HECW2: variants seen among roughly 807,000 people sequenced by gnomAD.
HECW2 encodes E3 ubiquitin-protein ligase HECW2.
HECW2 carries 61 observed loss-of-function variants against 175.2 expected under a neutral mutation model. The ratio of observed to expected loss-of-function variants is 0.35; its 90% CI spans 0.28 to 0.43. The LOEUF (loss-of-function observed/expected upper bound fraction) is 0.43. HECW2 is among the 20% of genes least tolerant of loss of function. The probability of loss-of-function intolerance (pLI) is 1.00; values close to 1 mark genes in which losing one functional copy is unlikely to be tolerated. For synonymous variants in HECW2, 671 were observed against 731.0 expected, an observed-to-expected ratio of 0.92 and a Z score of 1.32; for missense variants, 1,524 against 2,000.5, an observed-to-expected ratio of 0.76 and a Z score of 4.54.
chr2:196,414,420 C>G (rs74854630), intron 2 of HECW2, among the ~76,000 whole-genome samples: 30 of 152,332 alleles, frequency 2.0e-4, no homozygotes, highest in African/African-American at 7.0e-4. Flanking sequence ...TTCTCCCCTT[C>G]TAACTTCAAA....
rs547725916 is a variant in HECW2 at position 196,266,133 on chromosome 2, T to C, written c.3335+5060A>G. ...ATCTCTTAAGCCCAGGTATTCAAAA[T>C]GAACCTGTACAACATAGCAAGACTC... On this transcript the variant is annotated intron_variant, in intron 17 of 28. Transcript: ENST00000644978. Among the ~76,000 whole-genome samples, 6 of 141,370 alleles carry C rather than the reference T, an allele frequency of 4.2e-5. No individual in the cohort carries two copies. In the East Asian group the frequency reaches 1.3e-3, roughly 30 times the overall value. 92.7% of individuals were successfully genotyped at this position (141,370 alleles called of 152,430 possible).
chr2:196,363,290 G>C (rs192971115), intron 2 of HECW2, among the ~76,000 whole-genome samples: 1 of 152,164 alleles, frequency 6.6e-6, no homozygotes, highest in Non-Finnish European at 1.5e-5. Context: ...TCAAATGAGT[G>C]TCACTGTGCT....
At chr2:196,386,695 G>C (rs1694361540) in intron 2 of HECW2, among the ~76,000 whole-genome samples, 1 of 152,148 alleles carries the variant, frequency 6.6e-6, no homozygotes, top group Non-Finnish European at 1.5e-5. Flanking sequence ...AATGATTTTT[G>C]AATGTGACTA....
chr2:196,419,855 C>T (rs925206873), intron 2 of HECW2, among the ~76,000 whole-genome samples: 1 of 152,118 alleles, frequency 6.6e-6, no homozygotes, highest in Non-Finnish European at 1.5e-5. Flanking sequence ...ACTACTGTCC[C>T]GTACCCCCAC....
intron 1 of HECW2, among the ~76,000 whole-genome samples, chr2:196,488,724 A>C (rs796574379): frequency 7.2e-5 from 11 of 152,204 alleles, no homozygotes; most frequent in African/African-American, 2.6e-4. Flanking sequence ...CCAAAAAGTT[A>C]TCTCTAAATG....
intron 1 of HECW2, among the ~76,000 whole-genome samples, chr2:196,505,675 C>A (rs1219824406): frequency 6.6e-6 from 1 of 152,108 alleles, no homozygotes; most frequent in Non-Finnish European, 1.5e-5. Context: ...ACAAGTAAAA[C>A]CAGAATTTTC....
intron 28 of HECW2, among the ~76,000 whole-genome samples, chr2:196,207,431 T>A (rs891816757): frequency 1.3e-5 from 2 of 152,214 alleles, no homozygotes; most frequent in Admixed American, 6.5e-5. Context: ...TTATCTAATA[T>A]CCTCATGAAT....
chr2:196,422,655 C>G (rs1434960298), intron 2 of HECW2, among the ~76,000 whole-genome samples: 1 of 151,934 alleles, frequency 6.6e-6, no homozygotes, highest in Non-Finnish European at 1.5e-5. Flanking sequence ...TAAATTATTG[C>G]AGCATAATCT....
At position 196,518,654 on chromosome 2, in the gene HECW2, C is replaced by CCAA. The variant is rs1491157764; in HGVS notation, c.-36+74853_-36+74854insTTG. ...TAGGCAACAGAGCGAGATTCTGTCT[C>CCAA]AAAAAAAAAAAAAAAAAAAAAAAAC... On this transcript the variant is annotated intron_variant, in intron 1 of 28. Coordinates refer to ENST00000644978, the MANE Select transcript of HECW2 (RefSeq NM_001348768.2). 2.2e-3 allele frequency among the ~76,000 whole-genome samples: 168 copies of CCAA among 77,424 alleles called. No individual in the cohort carries two copies. The Admixed American group carries it at 0.023, about 11-fold the overall frequency. 50.8% of individuals were successfully genotyped at this position (77,424 alleles called of 152,430 possible).
intron 1 of HECW2, among the ~76,000 whole-genome samples, chr2:196,446,316 C>T (rs548971947): frequency 6.6e-6 from 1 of 152,296 alleles, no homozygotes; most frequent in South Asian, 2.1e-4. Flanking sequence ...CCCTGACCAC[C>T]CATGATAAAT....
chr2:196,544,989 T>C (rs1025713690), intron 1 of HECW2, among the ~76,000 whole-genome samples: 1 of 152,224 alleles, frequency 6.6e-6, no homozygotes, highest in Non-Finnish European at 1.5e-5. Context: ...AAGCTCACTT[T>C]AGTGAAACTC....
At chr2:196,575,870 A>G (rs995494215) in intron 1 of HECW2, among the ~76,000 whole-genome samples, 1 of 152,252 alleles carries the variant, frequency 6.6e-6, no homozygotes, top group African/African-American at 2.4e-5. Context: ...CACCTCTTGC[A>G]TGAACTAACA....
At chr2:196,565,686 T>G (rs1370261614) in intron 1 of HECW2, among the ~76,000 whole-genome samples, 1 of 152,150 alleles carries the variant, frequency 6.6e-6, no homozygotes, top group Non-Finnish European at 1.5e-5. Context: ...TAATGAACCT[T>G]AACAATTAAC....
intron 13 of HECW2, among the ~76,000 whole-genome samples, chr2:196,305,918 A>G (rs911972593): frequency 6.6e-6 from 1 of 152,152 alleles, no homozygotes; most frequent in African/African-American, 2.4e-5. Flanking sequence ...TATCTTCAGT[A>G]AGCCACTCCC....
At chr2:196,329,986 A>G (rs1692298261) in intron 4 of HECW2, among the ~76,000 whole-genome samples, 2 of 152,220 alleles carry the variant, frequency 1.3e-5, no homozygotes, top group Admixed American at 1.3e-4. Flanking sequence ...CTTTAGTTAA[A>G]AACCAAACAT....
At chr2:196,340,938 A>T (rs920798240) in intron 3 of HECW2, among the ~76,000 whole-genome samples, 1 of 152,160 alleles carries the variant, frequency 6.6e-6, no homozygotes, top group Non-Finnish European at 1.5e-5. Flanking sequence ...AAAGAAAAAA[A>T]AAAAACCCTT....
At chr2:196,310,152 A>T (rs1411595959) in intron 10 of HECW2, among the ~76,000 whole-genome samples, 1 of 152,252 alleles carries the variant, frequency 6.6e-6, no homozygotes, top group Non-Finnish European at 1.5e-5. Context: ...TCTTGTATTC[A>T]TCTTCTACAA....
chr2:196,431,146 T>C (rs1405887), intron 2 of HECW2, among the ~76,000 whole-genome samples: 144,355 of 152,252 alleles, frequency 0.95, 68,533 homozygotes, highest in East Asian at 1. Context: ...AGAGTTATCA[T>C]TTTTCAAAAG....
chr2:196,575,930 G>A (rs34760505), intron 1 of HECW2, among the ~76,000 whole-genome samples: 20,442 of 152,042 alleles, frequency 0.13, 1,440 homozygotes, highest in Middle Eastern at 0.23. Flanking sequence ...CCGTTTATGA[G>A]GGATCCACCC....
Sources: allele counts gnomAD v4.1 joint callset (sites outside exome capture counted in the v4.1 genomes callset), GRCh38; gene constraint gnomAD v4.1.1; transcripts MANE v1.5; gene names NCBI Gene and HGNC (gene_info 2026-07-23, HGNC 2026-07-21).